The following INTS7 variants were observed in gnomAD, a reference collection of about 807,000 sequenced individuals.
INTS7 encodes integrator complex subunit 7, also known as chromosome 1 open reading frame 73.
A neutral mutation model predicts 109.2 loss-of-function variants in INTS7; 46 were observed. That is an observed-to-expected ratio of 0.42 (90% CI 0.33 to 0.54). The LOEUF is 0.54. Ranked by LOEUF, INTS7 falls within the 20% of genes least tolerant of loss-of-function variation. The pLI is 0.07. For synonymous variants in INTS7, 412 were observed against 402.9 expected (o/e 1.02, Z -0.27); for missense variants, 929 against 1,132.4 (o/e 0.82, Z 2.58).
At chr1:211,997,650 G>A (rs1029564134) in intron 7 of INTS7, among the ~76,000 whole-genome samples, 11 of 151,730 alleles carry the variant, frequency 7.2e-5, no homozygotes, top group African/African-American at 1.5e-4. Flanking sequence ...AGGCTGAGAC[G>A]GGCAGATCAC....
chr1:212,020,284 A>G lies in INTS7; in HGVS notation c.225-16T>C. 2 of 1,493,010 alleles carry G rather than the reference A, an allele frequency of 1.3e-6. No homozygotes were observed. Among genetic ancestry groups the G allele is most frequent in the Non-Finnish European group, 1.8e-6 (2 of 1,096,370 alleles). The allele number at this position is 1,493,010 out of a possible 1,614,324, so 92.5% of individuals were successfully genotyped here. A position where few individuals can be genotyped will look rare whatever the true frequency, so the allele number is the denominator to read the frequency against. ...GAAATTATTTCTAGAAAAACCAGAA[A>G]TAAATTAGGTCACTTTAGAAAGTAA... On this transcript the variant is annotated splice_polypyrimidine_tract_variant and intron_variant, in intron 2 of 19. Coordinates refer to ENST00000366994, the MANE Select transcript of INTS7 (RefSeq NM_015434.4).
intron 8 of INTS7, among the ~76,000 whole-genome samples, chr1:211,983,568 AAGG>A (rs982348112): frequency 6.6e-6 from 1 of 152,220 alleles, no homozygotes; most frequent in African/African-American, 2.4e-5. Context: ...TCAAGAAAAC[AAGG>A]AGATTAGGGC....
chr1:211,984,885 T>C (rs1301149732), intron 8 of INTS7, among the ~76,000 whole-genome samples: 1 of 152,204 alleles, frequency 6.6e-6, no homozygotes, highest in Admixed American at 6.5e-5. Context: ...GTAAACTGCA[T>C]TGATTTTTAT....
chr1:211,946,623 TGTA>T lies in INTS7; in HGVS notation c.2396_2398del (p.Leu799del). Reference sequence around the variant, plus strand: ...CTGTATTACCTTGATGCTGGTAGACTGTAGTTTCTGGAAAAAATATCTCTGGAA... The same window carrying T: ...CTGTATTACCTTGATGCTGGTAGACTGTTTCTGGAAAAAATATCTCTGGAA... On this transcript the variant is annotated inframe_deletion, in exon 18 of 20. Transcript: ENST00000366994. The surrounding 1 kb of genome is among the most constrained non-coding windows in gnomAD (Gnocchi z 4.3). 1 of 1,606,136 alleles carries T rather than the reference TGTA, an allele frequency of 6.2e-7. No homozygotes were observed. Among genetic ancestry groups the T allele is most frequent in the South Asian group, 1.1e-5 (1 of 90,898 alleles).
rs757423084 is a variant in INTS7, at chr1:211,946,705, G to T, written c.2317C>A (p.His773Asn). 1.3e-6 allele frequency: 2 copies of T among 1,597,324 alleles called. No individual in the cohort carries two copies. The highest frequency in any genetic ancestry group is 1.7e-6 in the Non-Finnish European group (2 of 1,170,982). The stretch of plus-strand genomic sequence containing the variant: ...ATGGCATTGCAGAGGCATGCTGTGT[G>T]CTGGGGGAAAAAAGAAACTAAATCA... ...NRKYTPVSYM[H>N]TACLCNAIIA... Residue 773 changes from histidine (H) to asparagine (N), a missense_variant and splice_region_variant, in exon 18 of 20, where the codon CAC (histidine) becomes AAC (asparagine). Transcript: ENST00000366994. This position sits in a 1 kb window ranked among gnomAD's most constrained non-coding sequence, Gnocchi z 4.3.
chr1:211,957,848 C>G (rs1379769806), intron 16 of INTS7, among the ~76,000 whole-genome samples: 1 of 151,658 alleles, frequency 6.6e-6, no homozygotes, highest in African/African-American at 2.4e-5. Context: ...TAGTATTCCA[C>G]TTTATGGCTC....
intron 16 of INTS7, among the ~76,000 whole-genome samples, chr1:211,964,716 T>G (rs929357043): frequency 6.6e-6 from 1 of 152,076 alleles, no homozygotes; most frequent in Non-Finnish European, 1.5e-5. Context: ...AAACAAGCAA[T>G]AGGGAAAGGA....
intron 13 of INTS7, among the ~76,000 whole-genome samples, chr1:211,974,915 C>T (rs190224782): frequency 1.3e-5 from 2 of 152,310 alleles, no homozygotes; most frequent in Non-Finnish European, 2.9e-5. Flanking sequence ...CCTGTCTACA[C>T]ACCACTTACC....
intron 16 of INTS7, among the ~76,000 whole-genome samples, chr1:211,962,684 G>A (rs1450422862): frequency 6.6e-6 from 1 of 152,064 alleles, no homozygotes; most frequent in Non-Finnish European, 1.5e-5. Flanking sequence ...CACTTTCTTG[G>A]ACCACAGCAC....
intron 7 of INTS7, among the ~76,000 whole-genome samples, chr1:212,003,998 A>C (rs2102463766): frequency 6.6e-6 from 1 of 152,342 alleles, no homozygotes; most frequent in East Asian, 1.9e-4. Context: ...AGTAAATCAG[A>C]AGAATCAAAT....
intron 5 of INTS7, among the ~76,000 whole-genome samples, chr1:212,008,952 C>G (rs1201925857): frequency 1.3e-5 from 2 of 152,168 alleles, no homozygotes; most frequent in African/African-American, 2.4e-5. Flanking sequence ...ATTCTCCCTG[C>G]TTAGGCCTTT....
chr1:211,978,348 T>A lies in INTS7; in HGVS notation c.1394A>T (p.Asp465Val). The change falls in exon 11 of 20, where the codon GAT becomes GTT. Residue 465 changes from aspartate (D) to valine (V), a missense_variant. Physicochemically the swap from Asp to Val is radical, Grantham distance 152. Transcript: ENST00000366994. The stretch of plus-strand genomic sequence containing the variant: ...CTCCATGAGGTCACCAAGCATCCCA[T>A]CACCCAGCACCGGCAGTTGCATGGC... ...AIAMQLPVLG[D>V]GMLGDLMELY... 1.2e-6 allele frequency: 2 copies of A among 1,614,174 alleles called. No homozygotes were observed. Among genetic ancestry groups the A allele is most frequent in the South Asian group, 1.1e-5 (1 of 91,082 alleles).
chr1:211,967,307 C>T (rs1255493106), intron 15 of INTS7, among the ~76,000 whole-genome samples: 1 of 151,736 alleles, frequency 6.6e-6, no homozygotes, highest in Non-Finnish European at 1.5e-5. Flanking sequence ...AAAAATTAGC[C>T]AGGTTGTGGT....
intron 18 of INTS7, among the ~76,000 whole-genome samples, chr1:211,945,396 C>A (rs17018260): frequency 2.6e-4 from 39 of 152,238 alleles, no homozygotes; most frequent in African/African-American, 8.9e-4. Flanking sequence ...ATCTACACAA[C>A]GAAGTCACTG....
At position 211,942,052 on chromosome 1, in the gene INTS7, GTAA is replaced by G. The variant is rs1256352129; in HGVS notation, c.2658_2660del (p.Tyr887del). The G allele has an allele frequency of 2.5e-6, 4 of 1,614,058 alleles. No individual in the cohort carries two copies. Among genetic ancestry groups the G allele is most frequent in the African/African-American group, 1.3e-5 (1 of 74,914 alleles). ...AGTTCAACAGAAATTGAGTACTGAAGTAATCATTATGAGGTTCAACCCTTTGCT... is the reference window on the plus strand; with the variant it reads ...AGTTCAACAGAAATTGAGTACTGAAGTCATTATGAGGTTCAACCCTTTGCT... On this transcript the variant is annotated inframe_deletion, in exon 20 of 20. Coordinates refer to ENST00000366994, the MANE Select transcript of INTS7 (RefSeq NM_015434.4). This position sits in a 1 kb window ranked among gnomAD's most constrained non-coding sequence, Gnocchi z 4.2.
intron 15 of INTS7, among the ~76,000 whole-genome samples, chr1:211,967,481 T>G (rs954479242): frequency 2.1e-5 from 3 of 143,206 alleles, no homozygotes; most frequent in Non-Finnish European, 4.6e-5. Flanking sequence ...AAGTGACAAC[T>G]AATGCTACTG....
intron 16 of INTS7, among the ~76,000 whole-genome samples, chr1:211,963,840 C>T (rs1267617002): frequency 6.6e-6 from 1 of 151,670 alleles, no homozygotes; most frequent in African/African-American, 2.4e-5. Flanking sequence ...AAGAAACATA[C>T]CTCAAAATAA....
At chr1:211,979,248 A>C (rs904597802) in intron 10 of INTS7, among the ~76,000 whole-genome samples, 3 of 152,102 alleles carry the variant, frequency 2.0e-5, no homozygotes, top group Admixed American at 6.5e-5. Flanking sequence ...CCTAATTCCA[A>C]TTTCTTGAAA....
chr1:212,020,899 A>G, intron 2 of INTS7, 184 bp downstream of exon 2: 1 of 644,194 alleles, frequency 1.6e-6, no homozygotes, highest in Non-Finnish European at 2.4e-6. Context: ...CGTCTAAATT[A>G]TACTCTTCAT....
Sources: allele counts gnomAD v4.1 joint callset (sites outside exome capture counted in the v4.1 genomes callset), GRCh38; gene constraint gnomAD v4.1.1; non-coding constraint Gnocchi (gnomAD v3.1); transcripts MANE v1.5; gene names NCBI Gene and HGNC (gene_info 2026-07-23, HGNC 2026-07-21).